Variants in BTBD9 observed in about 807,000 individuals in gnomAD.
BTBD9 encodes BTB domain containing 9, also known as BTB/POZ domain-containing protein 9.
A neutral mutation model predicts 64.3 loss-of-function variants in BTBD9; 49 were observed. That is an observed-to-expected ratio of 0.76 (90% CI 0.61 to 0.97). The LOEUF (loss-of-function observed/expected upper bound fraction) is 0.97, where lower values mean the gene tolerates loss of function less well. Among genes scored for constraint, BTBD9 ranks in the 50% least tolerant of loss-of-function variants. The pLI is 0.00. For synonymous variants in BTBD9, 260 were observed against 274.7 expected (o/e 0.95, Z 0.53); for missense variants, 598 against 762.1 (o/e 0.78, Z 2.53).
intron 6 of BTBD9, among the ~76,000 whole-genome samples, chr6:38,485,781 T>A (rs746102998): frequency 1.2e-4 from 19 of 152,200 alleles, no homozygotes; most frequent in Non-Finnish European, 1.3e-4. Context: ...CACCCTAAAG[T>A]TACCAGCTAC....
intron 6 of BTBD9, among the ~76,000 whole-genome samples, chr6:38,425,627 T>G (rs1336481835): frequency 3.3e-5 from 5 of 151,606 alleles, no homozygotes; most frequent in African/African-American, 1.2e-4. Context: ...AAACCCAGGC[T>G]GGACATGATA....
chr6:38,290,338 T>C (rs1008934319), intron 7 of BTBD9, among the ~76,000 whole-genome samples: 1 of 151,704 alleles, frequency 6.6e-6, no homozygotes, highest in Non-Finnish European at 1.5e-5. Context: ...GAAACAGAAG[T>C]GGACTATATT....
At chr6:38,442,481 G>A (rs987290360) in intron 6 of BTBD9, among the ~76,000 whole-genome samples, 22 of 151,470 alleles carry the variant, frequency 1.5e-4, no homozygotes, top group Admixed American at 2.0e-4. Context: ...AAAAAAAGTC[G>A]TACTATATAT....
At chr6:38,239,183 T>C (rs1763903166) in intron 9 of BTBD9, among the ~76,000 whole-genome samples, 1 of 152,064 alleles carries the variant, frequency 6.6e-6, no homozygotes, top group Non-Finnish European at 1.5e-5. Context: ...CCATAATCCC[T>C]GTAATCCCAG....
intron 1 of BTBD9, among the ~76,000 whole-genome samples, chr6:38,625,009 G>C (rs1778122061): frequency 1.3e-5 from 2 of 152,150 alleles, no homozygotes; most frequent in South Asian, 4.1e-4. Context: ...ACTTAGGTTT[G>C]AAAGCTTCAT....
Position 38,575,175 on chromosome 6 carries a change from T to C in BTBD9, c.1154+2425A>G, listed in dbSNP as rs145961883. 2.0e-3 allele frequency among the ~76,000 whole-genome samples: 304 copies of C among 152,292 alleles called. 3 individuals are homozygous for C. Among genetic ancestry groups the C allele is most frequent in the African/African-American group, 6.7e-3 (280 of 41,566 alleles). On this transcript the variant is annotated intron_variant, in intron 6 of 10. Transcript: ENST00000481247. ...ACTCATACATGTATTAATGAATACA[T>C]TGATAAAAAGTCTCAAGGAATATAT...
At chr6:38,622,185 C>T (rs1464683780) in intron 1 of BTBD9, among the ~76,000 whole-genome samples, 1 of 152,170 alleles carries the variant, frequency 6.6e-6, no homozygotes, top group Non-Finnish European at 1.5e-5. Flanking sequence ...AAGGATAATC[C>T]CTCGGTCCGT....
chr6:38,292,731 A>G (rs1007503608), intron 7 of BTBD9, among the ~76,000 whole-genome samples: 1 of 151,922 alleles, frequency 6.6e-6, no homozygotes, highest in Non-Finnish European at 1.5e-5. Flanking sequence ...TAGTCTGGCT[A>G]GTGGTCTATC....
intron 10 of BTBD9, among the ~76,000 whole-genome samples, chr6:38,181,478 C>T (rs1326364035): frequency 6.6e-6 from 1 of 152,226 alleles, no homozygotes; most frequent in Admixed American, 6.5e-5. Flanking sequence ...TGGCATCACA[C>T]ACCCACCCAG....
chr6:38,266,646 GAAAGAAAGAAAGAAAGA>G (rs1561947496), intron 8 of BTBD9, among the ~76,000 whole-genome samples: 1 of 119,682 alleles, frequency 8.4e-6, no homozygotes, highest in Non-Finnish European at 1.7e-5. Flanking sequence ...AAGAAAGAAA[GAAAGAAAGAAAGAAAGA>G]AAGAAAGAAA....
At chr6:38,594,945 T>C (rs1305202010) in intron 2 of BTBD9, among the ~76,000 whole-genome samples, 1 of 152,082 alleles carries the variant, frequency 6.6e-6, no homozygotes, top group Non-Finnish European at 1.5e-5. Flanking sequence ...TAAAGAAAAA[T>C]GTGTAAGAAA....
chr6:38,219,285 C>T (rs961439233), intron 9 of BTBD9, among the ~76,000 whole-genome samples: 9 of 147,090 alleles, frequency 6.1e-5, no homozygotes, highest in African/African-American at 2.3e-4. Flanking sequence ...CAGGTGTGCG[C>T]CACCACACCC....
chr6:38,403,046 T>A, intron 6 of BTBD9: 5 of 373,982 alleles, frequency 1.3e-5, no homozygotes, highest in Non-Finnish European at 2.2e-5. Flanking sequence ...GCCTGGGTGA[T>A]AGAGTGAAAC....
chr6:38,610,849 C>A (rs1307854328), intron 1 of BTBD9, among the ~76,000 whole-genome samples: 1 of 146,672 alleles, frequency 6.8e-6, no homozygotes, highest in Non-Finnish European at 1.5e-5. Context: ...TATGGCCGAG[C>A]AATTTAGTTT....
intron 6 of BTBD9, among the ~76,000 whole-genome samples, chr6:38,374,315 A>ACACG (rs1554143569): frequency 1.7e-5 from 2 of 115,592 alleles, no homozygotes; most frequent in Non-Finnish European, 3.5e-5. Flanking sequence ...ATGTATATAT[A>ACACG]TATATATATA....
At chr6:38,580,538 G>A in intron 4 of BTBD9, 101 bp from the exon 5 acceptor site, 1 of 979,816 alleles carries the variant, frequency 1.0e-6, no homozygotes, top group Non-Finnish European at 1.5e-6. Context: ...TCTAGTATCT[G>A]CATTTAAGAA....
intron 8 of BTBD9, among the ~76,000 whole-genome samples, chr6:38,264,828 GC>G (rs1182086681): frequency 6.6e-6 from 1 of 152,122 alleles, no homozygotes; most frequent in Non-Finnish European, 1.5e-5. Context: ...CCAGGCGGCT[GC>G]CCTGCAGATT....
At chr6:38,617,863 T>C (rs547586941) in intron 1 of BTBD9, among the ~76,000 whole-genome samples, 1 of 152,260 alleles carries the variant, frequency 6.6e-6, no homozygotes, top group South Asian at 2.1e-4. Flanking sequence ...TAACAGGTTT[T>C]TGAGAATGCA....
At chr6:38,428,715 CTTTTTTT>C (rs1168857802) in intron 6 of BTBD9, among the ~76,000 whole-genome samples, 1 of 138,216 alleles carries the variant, frequency 7.2e-6, no homozygotes, top group Non-Finnish European at 1.6e-5. Flanking sequence ...TTCGTTTTTT[CTTTTTTT>C]TTTTTTTTGA....
Sources: allele counts gnomAD v4.1 joint callset (sites outside exome capture counted in the v4.1 genomes callset), GRCh38; gene constraint gnomAD v4.1.1; transcripts MANE v1.5; gene names NCBI Gene and HGNC (gene_info 2026-07-23, HGNC 2026-07-21).